The following SHISA5 variants were observed in gnomAD, a reference collection of about 807,000 sequenced individuals.
SHISA5 encodes the protein protein shisa-5.
SHISA5 carries 21 observed loss-of-function variants against 27.5 expected under a neutral mutation model. The observed-to-expected ratio is 0.76, with a 90% CI of 0.54 to 1.10. SHISA5 has a LOEUF of 1.10. Among genes scored for constraint, SHISA5 ranks in the 50% least tolerant of loss-of-function variants. SHISA5 has a pLI of 0.00. For missense variants in SHISA5, 314 were observed against 336.3 expected (o/e 0.93, Z 0.52); for synonymous variants, 137 against 142.2 (o/e 0.96, Z 0.26).
At chr3:48,476,201 C>T (rs1427977159) in intron 3 of SHISA5, among the ~76,000 whole-genome samples, 3 of 152,112 alleles carry the variant, frequency 2.0e-5, no homozygotes. Flanking sequence ...ATTAGCCGGG[C>T]ATGGTGGCCG....
At chr3:48,497,477 G>T (rs1460198101) in intron 2 of SHISA5, among the ~76,000 whole-genome samples, 1 of 151,120 alleles carries the variant, frequency 6.6e-6, no homozygotes, top group African/African-American at 2.4e-5. Flanking sequence ...TGGCCAGGCA[G>T]GTCTTGATCT....
intron 1 of SHISA5, among the ~76,000 whole-genome samples, chr3:48,501,636 G>A (rs995904517): frequency 1.3e-5 from 2 of 152,088 alleles, no homozygotes; most frequent in African/African-American, 4.8e-5. Context: ...ATCAAGGCCC[G>A]AGTTTCCAAG....
rs111983024 is a variant in SHISA5 at position 48,503,900 on chromosome 3, A to G, written c.76+119T>C. The G allele has an allele frequency of 7.6e-3, 10,102 of 1,332,884 alleles. 647 individuals are homozygous for G. The African/African-American group carries it at 0.14, about 18-fold the overall frequency. 82.6% of individuals were successfully genotyped at this position (1,332,884 alleles called of 1,614,324 possible). On this transcript the variant is annotated intron_variant, in intron 1 of 5. Transcript: ENST00000296444. ...GGGGGTTCGCTGACGGCCTCGGGGC[A>G]ATCAGGGGTCAGTGGGGGGCATAGT...
chr3:48,489,004 C>T (rs980824564), intron 2 of SHISA5, among the ~76,000 whole-genome samples: 2 of 152,010 alleles, frequency 1.3e-5, no homozygotes, highest in African/African-American at 4.8e-5. Flanking sequence ...CAGACCTAAT[C>T]AGTCACCCTA....
chr3:48,479,299 C>A, intron 2 of SHISA5, 42 bp from the exon 3 acceptor site: 1 of 1,563,970 alleles, frequency 6.4e-7, no homozygotes, highest in East Asian at 2.3e-5. Context: ...TGAAGCCCCA[C>A]CGAGCGCCAG....
At chr3:48,494,419 TCC>T (rs2041498582) in intron 2 of SHISA5, among the ~76,000 whole-genome samples, 1 of 144,916 alleles carries the variant, frequency 6.9e-6, no homozygotes, top group Admixed American at 6.8e-5. Flanking sequence ...TGCCTCAGCC[TCC>T]AGAGTAGCTG....
At chr3:48,490,648 T>C (rs769565055) in intron 2 of SHISA5, among the ~76,000 whole-genome samples, 3 of 152,196 alleles carry the variant, frequency 2.0e-5, no homozygotes, top group Non-Finnish European at 4.4e-5. Flanking sequence ...TATTTAACCC[T>C]ATATATCATG....
At chr3:48,487,941 C>T (rs538685717) in intron 2 of SHISA5, among the ~76,000 whole-genome samples, 13 of 152,256 alleles carry the variant, frequency 8.5e-5, no homozygotes, top group African/African-American at 3.1e-4. Flanking sequence ...AAGAAGTACC[C>T]ATGGGGGATA....
At chr3:48,503,614 TG>T in intron 1 of SHISA5, 3 of 767,532 alleles carry the variant, frequency 3.9e-6, no homozygotes, top group Non-Finnish European at 4.9e-6. Flanking sequence ...GAGGCAGCGG[TG>T]GGGGCTCCCA....
chr3:48,480,665 AG>A, intron 2 of SHISA5, among the ~76,000 whole-genome samples: 1 of 152,234 alleles, frequency 6.6e-6, no homozygotes, highest in South Asian at 2.1e-4. Flanking sequence ...AGGCTGAGGC[AG>A]GAGAATCGCT....
intron 2 of SHISA5, among the ~76,000 whole-genome samples, chr3:48,491,833 G>T (rs1303662301): frequency 6.6e-6 from 1 of 151,696 alleles, no homozygotes; most frequent in East Asian, 1.9e-4. Flanking sequence ...TAGAGATGGG[G>T]TCTCACCATG....
chr3:48,475,513 C>G (rs2040794336), intron 3 of SHISA5, among the ~76,000 whole-genome samples: 1 of 152,188 alleles, frequency 6.6e-6, no homozygotes, highest in Non-Finnish European at 1.5e-5. Flanking sequence ...TACCCGCACC[C>G]CCACCCTGGT....
Position 48,469,377 on chromosome 3 carries a change from G to A in SHISA5, c.627C>T (p.Tyr209=). Residue 209 remains tyrosine, a synonymous_variant, in exon 5 of 6, where the codon TAC becomes TAT. Transcript: ENST00000296444. This position sits in a 1 kb window ranked among gnomAD's most constrained non-coding sequence, Gnocchi z 4.6. ...YPAQPMGPPA[Y]HETLAGGAAA... ...GGCACTCACCAGCCAGGGTCTCGTG[G>A]TAGGCCGGTGGGCCCATGGGCTGGG... 1 of 1,591,570 alleles carries A rather than the reference G, an allele frequency of 6.3e-7. No homozygotes were observed. Among genetic ancestry groups the A allele is most frequent in the Admixed American group, 1.7e-5 (1 of 58,392 alleles).
chr3:48,500,750 C>G (rs149576929), intron 2 of SHISA5, among the ~76,000 whole-genome samples: 28 of 152,298 alleles, frequency 1.8e-4, no homozygotes, highest in African/African-American at 6.5e-4. Flanking sequence ...CAAGCGGGTT[C>G]TGAACAAAGG....
chr3:48,494,399 G>A (rs2041498042), intron 2 of SHISA5, among the ~76,000 whole-genome samples: 1 of 145,034 alleles, frequency 6.9e-6, no homozygotes, highest in East Asian at 1.9e-4. Flanking sequence ...CCGAGTTCAA[G>A]GGATTCTCCT....
In SHISA5 at chr3:48,470,496, T is replaced by TC. The variant is rs2040568188; in HGVS notation, c.315-654dup. Among the ~76,000 whole-genome samples, 1 of 151,674 alleles carries TC rather than the reference T, an allele frequency of 6.6e-6. No individual in the cohort carries two copies. Among genetic ancestry groups the TC allele is most frequent in the African/African-American group, 2.4e-5 (1 of 41,218 alleles). On this transcript the variant is annotated intron_variant, in intron 3 of 5. Transcript: ENST00000296444. The surrounding 1 kb of genome is among the most constrained non-coding windows in gnomAD (Gnocchi z 4.3). Reference sequence around the variant, plus strand: ...GCCAGGGGTCACACACACCCCTGGGTCCCCCACCTCTGACCTGCATGGCCA... The same window carrying TC: ...GCCAGGGGTCACACACACCCCTGGGTCCCCCCACCTCTGACCTGCATGGCCA...
chr3:48,496,712 G>A (rs1462521986), intron 2 of SHISA5, among the ~76,000 whole-genome samples: 1 of 149,514 alleles, frequency 6.7e-6, no homozygotes, highest in Non-Finnish European at 1.5e-5. Flanking sequence ...CCAATCTGGG[G>A]ACAAGAGCTA....
chr3:48,483,854 CGGGCGGGGGGCT>C (rs1418304253), intron 2 of SHISA5, among the ~76,000 whole-genome samples: 1 of 151,872 alleles, frequency 6.6e-6, no homozygotes, highest in Non-Finnish European at 1.5e-5. Context: ...GGCGGCTGGC[CGGGCGGGGGGCT>C]GACCCCACCT....
chr3:48,499,612 G>A lies in SHISA5; in HGVS notation c.233+1525C>T, dbSNP rs578153910. On this transcript the variant is annotated intron_variant, in intron 2 of 5. Coordinates refer to ENST00000296444, the MANE Select transcript of SHISA5 (RefSeq NM_016479.6). ...GGAGAATGGCGTGAACCTGGGAGGC[G>A]GAGCTTGCAGTGAGCCAAGATCGCA... Among the ~76,000 whole-genome samples the A allele has an allele frequency of 8.1e-5, 12 of 148,476 alleles. No homozygotes were observed. In the South Asian group the frequency reaches 8.7e-4, roughly 11 times the overall value.
Sources: gnomAD v4.1 joint callset for allele counts (sites outside exome capture counted in the v4.1 genomes callset) on GRCh38, gnomAD v4.1.1 for gene constraint, Gnocchi (gnomAD v3.1) non-coding constraint, MANE v1.5 for transcripts, NCBI Gene and HGNC (gene_info 2026-07-23, HGNC 2026-07-21) for gene names.